The following TIAM2 variants were observed in gnomAD, a reference collection of about 807,000 sequenced individuals.
TIAM2 encodes the protein TIAM Rac1 associated GEF 2, also known as rho guanine nucleotide exchange factor TIAM2.
In TIAM2, 80 loss-of-function variants were observed where a neutral mutation model predicts 152.9. The observed-to-expected ratio is 0.52, with a 90% CI of 0.44 to 0.63. The LOEUF is 0.63. Among genes scored for constraint, TIAM2 ranks in the 30% least tolerant of loss-of-function variants. The pLI is 0.00. For synonymous variants in TIAM2, 804 were observed against 838.0 expected, an observed-to-expected ratio of 0.96 and a Z score of 0.70; for missense variants, 1,965 against 2,120.1, an observed-to-expected ratio of 0.93 and a Z score of 1.44.
chr6:155,167,629 G>A (rs1024203585), intron 9 of TIAM2, among the ~76,000 whole-genome samples: 2 of 152,104 alleles, frequency 1.3e-5, no homozygotes, highest in African/African-American at 4.8e-5. Context: ...TTTGCTAATG[G>A]TGGGCCTATG....
At chr6:155,204,037 G>T (rs1418499260) in intron 14 of TIAM2, among the ~76,000 whole-genome samples, 1 of 152,126 alleles carries the variant, frequency 6.6e-6, no homozygotes, top group African/African-American at 2.4e-5. Context: ...GGATGGTGAC[G>T]TTTGGTAGTT....
At position 155,251,944 on chromosome 6, in the gene TIAM2, G is replaced by C; in HGVS notation, c.4061-1G>C. ...CTTTCTTTCTCTTTTCCTTTCTTTA[G>C]TTTTTAAGAGAGCCGTCATACTGGT... is the stretch of plus-strand genomic sequence containing the variant. On this transcript the variant is annotated splice_acceptor_variant, in intron 22 of 26. Transcript: ENST00000682666. LOFTEE classifies it high-confidence loss of function. The C allele has an allele frequency of 6.2e-7, 1 of 1,602,426 alleles. No individual in the cohort carries two copies. The highest frequency in any genetic ancestry group is 8.5e-7 in the Non-Finnish European group (1 of 1,175,072).
At chr6:155,007,043 C>T (rs1422261118) in intron 1 of TIAM2, among the ~76,000 whole-genome samples, 3 of 152,146 alleles carry the variant, frequency 2.0e-5, no homozygotes, top group African/African-American at 7.2e-5. Context: ...TCAGGCTGGT[C>T]TACTAGGATT....
Position 155,250,956 on chromosome 6 carries a change from T to C in TIAM2, c.3995T>C (p.Val1332Ala). ...SMGELLMHST[V>A]SWLNPFLSLG... ...GGAGAGCTTCTGATGCACTCTACGG[T>C]TTCCTGGTTGAATCCATTTCTGTCT... Residue 1332 changes from valine (V) to alanine (A), a missense_variant, in exon 22 of 27, where the codon GTT becomes GCT. By Grantham distance (64) the Val-to-Ala change is moderately conservative. Around this residue, in one of 3 missense-constraint regions of TIAM2, gnomAD observed 935 missense variants for 980.0 expected, o/e 0.95. Coordinates refer to ENST00000682666, the MANE Select transcript of TIAM2 (RefSeq NM_012454.4). The C allele has an allele frequency of 6.2e-7, 1 of 1,614,206 alleles. No homozygotes were observed.
chr6:155,177,345 C>A, intron 10 of TIAM2, among the ~76,000 whole-genome samples: 1 of 152,066 alleles, frequency 6.6e-6, no homozygotes. Context: ...TAATTTAATC[C>A]TAAATAGTTT....
chr6:154,998,197 T>A (rs1778253522), intron 1 of TIAM2, among the ~76,000 whole-genome samples: 1 of 152,178 alleles, frequency 6.6e-6, no homozygotes, highest in Non-Finnish European at 1.5e-5. Flanking sequence ...CAGGTTTACG[T>A]GTCTAATCGT....
intron 1 of TIAM2, among the ~76,000 whole-genome samples, chr6:155,051,506 T>G (rs1247435447): frequency 6.6e-6 from 1 of 152,228 alleles, no homozygotes. Context: ...AATGCACTGT[T>G]AATAATGAGT....
chr6:155,068,939 A>G (rs1157558988), intron 1 of TIAM2, among the ~76,000 whole-genome samples: 1 of 151,856 alleles, frequency 6.6e-6, no homozygotes, highest in Non-Finnish European at 1.5e-5. Flanking sequence ...TGTTGTTGAG[A>G]CAGGGTCTTG....
At chr6:155,025,912 C>T (rs1482730787) in intron 1 of TIAM2, among the ~76,000 whole-genome samples, 1 of 150,252 alleles carries the variant, frequency 6.7e-6, no homozygotes, top group African/African-American at 2.5e-5. Flanking sequence ...TTGGATGCTT[C>T]GGAAAGGTGT....
At chr6:155,197,766 G>A (rs1781381333) in intron 14 of TIAM2, among the ~76,000 whole-genome samples, 1 of 152,060 alleles carries the variant, frequency 6.6e-6, no homozygotes, top group South Asian at 2.1e-4. Context: ...ATCAGATCTC[G>A]TTTGAACTCG....
chr6:155,098,904 A>G (rs1778482146), intron 2 of TIAM2, among the ~76,000 whole-genome samples: 1 of 152,180 alleles, frequency 6.6e-6, no homozygotes, highest in South Asian at 2.1e-4. Context: ...AATGTACCAT[A>G]AGGCCGGGTG....
intron 1 of TIAM2, among the ~76,000 whole-genome samples, chr6:155,086,501 G>C (rs140514669): frequency 0.027 from 4,110 of 152,240 alleles, 182 homozygotes; most frequent in Admixed American, 0.13. Context: ...GAGGTCAGGA[G>C]TTCGAGACCA....
At chr6:155,035,613 T>A (rs1368835257) in intron 1 of TIAM2, among the ~76,000 whole-genome samples, 1 of 152,224 alleles carries the variant, frequency 6.6e-6, no homozygotes, top group East Asian at 1.9e-4. Flanking sequence ...TCATTGAAAC[T>A]GTAAGGTCTA....
Position 155,164,514 on chromosome 6 carries a change from A to G in TIAM2, c.2128A>G (p.Lys710Glu), listed in dbSNP as rs1780368476. Residue 710 changes from lysine (K) to glutamate (E), a missense_variant, in exon 8 of 27, where the codon AAG becomes GAG. Lys to Glu is a moderately conservative substitution (Grantham distance 56). Coordinates refer to ENST00000682666, the MANE Select transcript of TIAM2 (RefSeq NM_012454.4). ...SLQGGELPNPKSLLAAASRPS... is the reference protein window; with the variant it reads ...SLQGGELPNPESLLAAASRPS... The stretch of plus-strand genomic sequence containing the variant: ...ACAAGGTGGGGAGTTACCGAACCCA[A>G]AGAGTCTCCTTGCAGCCGCCAGCCG... The G allele has an allele frequency of 3.1e-6, 5 of 1,614,052 alleles. No individual in the cohort carries two copies. The highest frequency in any genetic ancestry group is 4.2e-6 in the Non-Finnish European group (5 of 1,179,972).
rs142982780 is a variant in TIAM2, at chr6:155,137,662, C to T, written c.1630+50C>T. The T allele has an allele frequency of 1.4e-4, 204 of 1,505,508 alleles. No homozygotes were observed. The African/African-American group carries it at 2.2e-3, about 16-fold the overall frequency. 93.3% of individuals were successfully genotyped at this position (1,505,508 alleles called of 1,614,324 possible). On this transcript the variant is annotated intron_variant, in intron 5 of 26. Transcript: ENST00000682666. ...GCCACTGGGGATTGTTTCCGCCAGC[C>T]GTGCTCTTTGCCAGGAAGTGCCAAG... is the stretch of plus-strand genomic sequence containing the variant.
intron 2 of TIAM2, among the ~76,000 whole-genome samples, chr6:155,094,424 A>G (rs1778367072): frequency 6.6e-6 from 1 of 152,244 alleles, no homozygotes; most frequent in Non-Finnish European, 1.5e-5. Context: ...AACTTCAAGA[A>G]AAAAATAGAA....
At chr6:155,112,298 G>A (rs918004632) in intron 2 of TIAM2, among the ~76,000 whole-genome samples, 23 of 151,702 alleles carry the variant, frequency 1.5e-4, no homozygotes, top group Non-Finnish European at 1.0e-4. Flanking sequence ...GCTAATTTTT[G>A]TAATTTTTTT....
At chr6:155,237,182 C>T (rs1436591338) in intron 15 of TIAM2, among the ~76,000 whole-genome samples, 2 of 152,238 alleles carry the variant, frequency 1.3e-5, no homozygotes, top group Non-Finnish European at 2.9e-5. Flanking sequence ...TAAAGGGGCT[C>T]CAGGCCCCAT....
Position 155,244,795 on chromosome 6 carries a change from A to T in TIAM2, c.3543+12A>T, listed in dbSNP as rs758125856. 6.3e-7 allele frequency: 1 copy of T among 1,594,426 alleles called. No homozygotes were observed. Among genetic ancestry groups the T allele is most frequent in the Non-Finnish European group, 8.5e-7 (1 of 1,171,148 alleles). ...CCTCACAGTTTAGAGTAAGTATCTC[A>T]GATTTAGGCTTAAAGTAAAAATACG... On this transcript the variant is annotated intron_variant, in intron 18 of 26. Coordinates refer to ENST00000682666, the MANE Select transcript of TIAM2 (RefSeq NM_012454.4).
Sources: allele counts gnomAD v4.1 joint callset (sites outside exome capture counted in the v4.1 genomes callset), GRCh38; gene constraint gnomAD v4.1.1; regional missense constraint gnomAD v4.1.1; transcripts MANE v1.5; gene names NCBI Gene and HGNC (gene_info 2026-07-23, HGNC 2026-07-21).